CAMTA1: variants seen among roughly 807,000 people sequenced by gnomAD.
The protein encoded by CAMTA1 is calmodulin-binding transcription activator 1.
Under a neutral mutation model 170.9 loss-of-function variants are expected in CAMTA1, and 27 were observed. The observed-to-expected ratio is 0.16, with a 90% CI of 0.12 to 0.22. The LOEUF (loss-of-function observed/expected upper bound fraction) is 0.22. Among genes scored for constraint, CAMTA1 ranks in the 10% least tolerant of loss-of-function variants. The pLI is 1.00. For synonymous variants in CAMTA1, 833 were observed against 891.5 expected, an observed-to-expected ratio of 0.93 and a Z score of 1.17; for missense variants, 1,619 against 2,217.2, an observed-to-expected ratio of 0.73 and a Z score of 5.42.
intron 4 of CAMTA1, among the ~76,000 whole-genome samples, chr1:7,164,756 G>A (rs1478208018): frequency 2.6e-5 from 4 of 152,206 alleles, no homozygotes; most frequent in Non-Finnish European, 5.9e-5. Context: ...CCTTCATAAA[G>A]GATGATTAAT....
chr1:6,995,870 A>G (rs112136069), intron 3 of CAMTA1, among the ~76,000 whole-genome samples: 2,457 of 152,314 alleles, frequency 0.016, 24 homozygotes, highest in Non-Finnish European at 0.026. Flanking sequence ...TTAGACAGGC[A>G]TAAGACTGGC....
intron 9 of CAMTA1, among the ~76,000 whole-genome samples, chr1:7,666,830 G>C (rs911481693): frequency 6.6e-6 from 1 of 152,210 alleles, no homozygotes; most frequent in Non-Finnish European, 1.5e-5. Flanking sequence ...GCTTCCTCTT[G>C]GTATAGGTTG....
chr1:7,152,157 A>G (rs1646615617), intron 4 of CAMTA1, among the ~76,000 whole-genome samples: 2 of 152,238 alleles, frequency 1.3e-5, no homozygotes, highest in African/African-American at 4.8e-5. Flanking sequence ...CCTCAGCATC[A>G]GCCCACACCG....
At chr1:7,423,441 C>G (rs2149325695) in intron 5 of CAMTA1, among the ~76,000 whole-genome samples, 1 of 148,718 alleles carries the variant, frequency 6.7e-6, no homozygotes, top group South Asian at 2.1e-4. Context: ...TGCACTCCAG[C>G]CTGGGTGACA....
At chr1:7,402,567 T>TG (rs2089985544) in intron 5 of CAMTA1, among the ~76,000 whole-genome samples, 2 of 152,206 alleles carry the variant, frequency 1.3e-5, no homozygotes, top group South Asian at 4.1e-4. Context: ...GCAGTCGTGA[T>TG]GGGGGCTTAA....
intron 6 of CAMTA1, among the ~76,000 whole-genome samples, chr1:7,511,415 G>A (rs924345339): frequency 9.0e-6 from 1 of 110,710 alleles, no homozygotes; most frequent in African/African-American, 2.8e-5. Flanking sequence ...TGGCATTTAA[G>A]CATGTGCAGG....
chr1:6,936,269 A>G (rs141531094), intron 3 of CAMTA1, among the ~76,000 whole-genome samples: 18 of 152,324 alleles, frequency 1.2e-4, no homozygotes, highest in Non-Finnish European at 2.2e-4. Context: ...CAATTTTCCT[A>G]TATCTCTTCT....
Position 7,359,273 on chromosome 1 carries a change from G to C in CAMTA1, c.439-108557G>C, listed in dbSNP as rs192884572. Among the ~76,000 whole-genome samples, 8 of 152,208 alleles carry C rather than the reference G, an allele frequency of 5.3e-5. No individual in the cohort carries two copies. In the East Asian group the frequency reaches 1.5e-3, roughly 29 times the overall value. On this transcript the variant is annotated intron_variant, in intron 5 of 22. Coordinates refer to ENST00000303635, the MANE Select transcript of CAMTA1 (RefSeq NM_015215.4). ...ATCTCTGCCATGTGCAGGGACCATG[G>C]AGAAGGGCATGCTGAGTGGGTCCTA...
intron 1 of CAMTA1, among the ~76,000 whole-genome samples, chr1:6,804,620 A>T (rs1644297644): frequency 6.6e-6 from 1 of 152,082 alleles, no homozygotes; most frequent in African/African-American, 2.4e-5. Flanking sequence ...TCCTTTTGTG[A>T]CTTGACTGGC....
At chr1:7,347,959 G>A (rs1032631909) in intron 5 of CAMTA1, among the ~76,000 whole-genome samples, 2 of 152,220 alleles carry the variant, frequency 1.3e-5, no homozygotes, top group Admixed American at 6.5e-5. Context: ...GGATGTGGAC[G>A]TATGTTTTGG....
chr1:6,943,305 G>A (rs1329324032), intron 3 of CAMTA1, among the ~76,000 whole-genome samples: 1 of 151,754 alleles, frequency 6.6e-6, no homozygotes, highest in East Asian at 1.9e-4. Context: ...CTCAACTGTG[G>A]TCCCCTTGTC....
intron 4 of CAMTA1, among the ~76,000 whole-genome samples, chr1:7,187,057 T>TG (rs1325275003): frequency 6.6e-6 from 1 of 151,814 alleles, no homozygotes; most frequent in Non-Finnish European, 1.5e-5. Context: ...TCACCTGTGA[T>TG]GGGGGGAATA....
chr1:7,420,823 C>T (rs2091512870), intron 5 of CAMTA1, among the ~76,000 whole-genome samples: 1 of 152,222 alleles, frequency 6.6e-6, no homozygotes, highest in Non-Finnish European at 1.5e-5. Context: ...GCCAGGGGGG[C>T]AGAGGGGCCT....
chr1:7,693,160 C>T (rs1490280825), intron 11 of CAMTA1: 1 of 152,540 alleles, frequency 6.6e-6, no homozygotes, highest in Non-Finnish European at 1.5e-5. Context: ...ACTTACAGTT[C>T]CACGTGGCTG....
chr1:7,031,516 T>C (rs1250078355), intron 3 of CAMTA1, among the ~76,000 whole-genome samples: 4 of 152,198 alleles, frequency 2.6e-5, no homozygotes, highest in Non-Finnish European at 5.9e-5. Context: ...AGTTTGGTCT[T>C]GCTGTTTAAT....
chr1:7,730,362 C>G (rs2096722531), intron 11 of CAMTA1, among the ~76,000 whole-genome samples: 1 of 152,194 alleles, frequency 6.6e-6, no homozygotes, highest in South Asian at 2.1e-4. Context: ...CCTGAAAGCC[C>G]TGCCTCAGGG....
intron 11 of CAMTA1, among the ~76,000 whole-genome samples, chr1:7,721,844 C>G (rs1016551924): frequency 2.6e-5 from 4 of 152,088 alleles, no homozygotes; most frequent in Non-Finnish European, 5.9e-5. Flanking sequence ...GAACTCCCGA[C>G]CTCAGGTGAT....
At chr1:7,161,291 C>A (rs1258712746) in intron 4 of CAMTA1, among the ~76,000 whole-genome samples, 1 of 152,182 alleles carries the variant, frequency 6.6e-6, no homozygotes, top group Non-Finnish European at 1.5e-5. Flanking sequence ...TCCTTCTCCA[C>A]CCTGCACAGT....
chr1:7,376,339 G>A (rs1009245846), intron 5 of CAMTA1, among the ~76,000 whole-genome samples: 3 of 152,224 alleles, frequency 2.0e-5, no homozygotes, highest in African/African-American at 7.2e-5. Flanking sequence ...GTGGAACTCT[G>A]CATTGCATTT....
Sources: allele counts gnomAD v4.1 joint callset (sites outside exome capture counted in the v4.1 genomes callset), GRCh38; gene constraint gnomAD v4.1.1; transcripts MANE v1.5; gene names NCBI Gene and HGNC (gene_info 2026-07-23, HGNC 2026-07-21).